TRIB3: variants seen among roughly 807,000 people sequenced by gnomAD.
TRIB3 encodes the protein tribbles homolog 3.
In TRIB3, 20 loss-of-function variants were observed where a neutral mutation model predicts 16.6. The observed-to-expected ratio is 1.20, with a 90% CI of 0.85 to 1.75. TRIB3 has a LOEUF of 1.75. Ranked by LOEUF, TRIB3 falls within the 40% of genes most tolerant of loss-of-function variation. The pLI is 0.00. For synonymous variants in TRIB3, 208 were observed against 217.0 expected, an observed-to-expected ratio of 0.96 and a Z score of 0.36; for missense variants, 484 against 488.9, an observed-to-expected ratio of 0.99 and a Z score of 0.10.
Position 388,209 on chromosome 20 carries a change from C to T in TRIB3, c.199C>T (p.Arg67Cys), listed in dbSNP as rs769974687. 33 of 1,613,828 alleles carry T rather than the reference C, an allele frequency of 2.0e-5. No individual in the cohort carries two copies. The highest frequency in any genetic ancestry group is 3.3e-4 in the Middle Eastern group (2 of 6,080). ...DRATAVATASRLGPYVLLEPE... is the reference protein window; with the variant it reads ...DRATAVATASCLGPYVLLEPE... ...TGCAACTGCTGTGGCCACTGCCTCC[C>T]GTCTTGGGCCCTATGTCCTCCTGGA... is the stretch of plus-strand genomic sequence containing the variant. The change falls in exon 2 of 4, where the codon CGT becomes TGT. Residue 67 changes from arginine (R) to cysteine (C), a missense_variant. Transcript: ENST00000217233.
intron 3 of TRIB3, among the ~76,000 whole-genome samples, chr20:392,485 G>A (rs934547207): frequency 2.6e-5 from 4 of 152,068 alleles, no homozygotes; most frequent in Non-Finnish European, 4.4e-5. Flanking sequence ...ACACGGGAAC[G>A]TTTTCTGTGA....
chr20:392,862 C>T (rs1012625245), intron 3 of TRIB3, among the ~76,000 whole-genome samples: 10 of 151,776 alleles, frequency 6.6e-5, no homozygotes, highest in South Asian at 2.1e-4. Context: ...CCAGCCTAGA[C>T]GCTAAGAAAA....
Position 396,390 on chromosome 20 carries a change from C to T in TRIB3, c.777C>T (p.Tyr259=), listed in dbSNP as rs1013153605. 1 of 1,613,326 alleles carries T rather than the reference C, an allele frequency of 6.2e-7. No homozygotes were observed. Among genetic ancestry groups the T allele is most frequent in the African/African-American group, 1.3e-5 (1 of 74,956 alleles). The change falls in exon 4 of 4, where the codon TAC becomes TAT. Residue 259 remains tyrosine (Y), a synonymous_variant. Coordinates refer to ENST00000217233, the MANE Select transcript of TRIB3 (RefSeq NM_021158.5). The stretch of plus-strand genomic sequence containing the variant: ...TCTTCACCATGCTGGCCGGCCACTA[C>T]CCCTTCCAGGACTCGGAGCCTGTCC... ...VALFTMLAGH[Y]PFQDSEPVLL...
rs745951994 is a variant in TRIB3, at chr20:388,131, C to G, written c.121C>G (p.Pro41Ala). Residue 41 changes from proline (P) to alanine (A), a missense_variant, in exon 2 of 4, where the codon CCC becomes GCC. Coordinates refer to ENST00000217233, the MANE Select transcript of TRIB3 (RefSeq NM_021158.5). ...VQKRARSGPQ[P>A]RLPPCLLPLS... is the part of the protein sequence containing the mutation. ...GAAACGAGCTCGAAGTGGGCCCCAG[C>G]CCAGACTGCCCCCCTGCCTGTTGCC... 6.2e-7 allele frequency: 1 copy of G among 1,614,090 alleles called. No individual in the cohort carries two copies. The highest frequency in any genetic ancestry group is 1.7e-5 in the Admixed American group (1 of 60,036).
In TRIB3 at chr20:391,271, C is replaced by A. The variant is rs1197888683; in HGVS notation, c.292-16C>A. On this transcript the variant is annotated splice_polypyrimidine_tract_variant and intron_variant, in intron 2 of 3. Transcript: ENST00000217233. The stretch of plus-strand genomic sequence containing the variant: ...CGGGAGTCCCCAGCTGTGCTAACAC[C>A]ATGCTCTGCCCACAGGTGTACCCCG... The A allele has an allele frequency of 1.9e-6, 3 of 1,608,330 alleles. No homozygotes were observed. The highest frequency in any genetic ancestry group is 2.5e-6 in the Non-Finnish European group (3 of 1,178,604).
intron 3 of TRIB3, among the ~76,000 whole-genome samples, chr20:394,378 T>A (rs1286998190): frequency 6.6e-6 from 1 of 152,218 alleles, no homozygotes; most frequent in Non-Finnish European, 1.5e-5. Context: ...CATGCCTTTT[T>A]TAAAGAAGTA....
At chr20:391,003 A>ATG (rs2014959006) in intron 2 of TRIB3, among the ~76,000 whole-genome samples, 1 of 128,356 alleles carries the variant, frequency 7.8e-6, no homozygotes, top group South Asian at 2.5e-4. Context: ...CTCCGTCTCA[A>ATG]AAAAAAAAAA....
intron 2 of TRIB3, among the ~76,000 whole-genome samples, chr20:390,840 A>G (rs1200198978): frequency 1.3e-5 from 2 of 151,956 alleles, no homozygotes; most frequent in African/African-American, 4.8e-5. Context: ...CATCTCTACT[A>G]AAAATACAAA....
chr20:382,457 G>A, intron 1 of TRIB3: 8 of 1,394,528 alleles, frequency 5.7e-6, no homozygotes, highest in Non-Finnish European at 6.8e-6. Context: ...GCACAGCCAG[G>A]TATCATCCTG....
At chr20:395,198 C>G (rs552689040) in intron 3 of TRIB3, among the ~76,000 whole-genome samples, 26 of 150,500 alleles carry the variant, frequency 1.7e-4, no homozygotes, top group Non-Finnish European at 3.4e-4. Context: ...CTCACTCTGT[C>G]ACCCAGGCCG....
At chr20:381,200 C>T (rs1033988073) in intron 1 of TRIB3, 31 bp downstream of exon 1, 15 of 152,042 alleles carry the variant, frequency 9.9e-5, no homozygotes, top group African/African-American at 3.4e-4. Flanking sequence ...TGCGGACTCG[C>T]CCGGAGGCCG....
At position 396,720 on chromosome 20, in the gene TRIB3, C is replaced by A. The variant is rs1426151485; in HGVS notation, c.*30C>A. On this transcript the variant is annotated 3_prime_UTR_variant, in exon 4 of 4. Transcript: ENST00000217233. ...ACCCTACTACACGCTCAGCTGCCAA[C>A]AGTGGATTGAGTTTGGGGGTAGCTC... The A allele has an allele frequency of 6.4e-7, 1 of 1,571,518 alleles. No homozygotes were observed. The highest frequency in any genetic ancestry group is 1.7e-5 in the Admixed American group (1 of 57,584).
At chr20:394,068 T>C (rs937931039) in intron 3 of TRIB3, among the ~76,000 whole-genome samples, 1 of 150,318 alleles carries the variant, frequency 6.7e-6, no homozygotes, top group African/African-American at 2.5e-5. Context: ...TCTCGCTCTG[T>C]TGCCCAGGTT....
rs893598028 is a variant in TRIB3, at chr20:386,998, A to T, written c.1-1013A>T. Among the ~76,000 whole-genome samples, 3 of 148,610 alleles carry T rather than the reference A, an allele frequency of 2.0e-5. No individual in the cohort carries two copies. The East Asian group carries it at 6.2e-4, about 31-fold the overall frequency. ...GAACTCCCAGCCTCATGATTCGCCC[A>T]CCTTGGCCTCCCAAAGTGCTGGGAT... On this transcript the variant is annotated intron_variant, in intron 1 of 3. Transcript: ENST00000217233.
rs2014974201 is a variant in TRIB3, at chr20:391,392, C to T, written c.397C>T (p.Leu133Phe). The change falls in exon 3 of 4, where the codon CTC (leucine) becomes TTC (phenylalanine). Residue 133 changes from leucine (L) to phenylalanine (F), a missense_variant. Leu to Phe is a conservative substitution (Grantham distance 22). Transcript: ENST00000217233. ...PTEVLAGTQLLYAFFTRTHGD... is the reference protein window; with the variant it reads ...PTEVLAGTQLFYAFFTRTHGD... ...TGAGGTCCTGGCTGGTACCCAGCTC[C>T]TCTACGCCTTTTTCACTCGGACCCA... 1 of 1,613,824 alleles carries T rather than the reference C, an allele frequency of 6.2e-7. No homozygotes were observed. Among genetic ancestry groups the T allele is most frequent in the Non-Finnish European group, 8.5e-7 (1 of 1,180,022 alleles).
Position 396,805 on chromosome 20 carries a change from G to A in TRIB3, c.*115G>A. On this transcript the variant is annotated 3_prime_UTR_variant, in exon 4 of 4. Coordinates refer to ENST00000217233, the MANE Select transcript of TRIB3 (RefSeq NM_021158.5). ...TTCAGTGCCTTCCAGAAGGGAGAAA[G>A]GCAGAAGCCTGTGTGGAGTGTGCTG... The A allele has an allele frequency of 2.1e-6, 3 of 1,450,150 alleles. No individual in the cohort carries two copies. Among genetic ancestry groups the A allele is most frequent in the Non-Finnish European group, 2.8e-6 (3 of 1,087,076 alleles). 89.8% of individuals were successfully genotyped at this position (1,450,150 alleles called of 1,614,324 possible).
chr20:391,001 C>CGAAAAAAAA (rs747388615), intron 2 of TRIB3, among the ~76,000 whole-genome samples: 2 of 85,786 alleles, frequency 2.3e-5, no homozygotes, highest in African/African-American at 4.4e-5. Context: ...GACTCCGTCT[C>CGAAAAAAAA]AAAAAAAAAA....
At chr20:391,710 C>T in intron 3 of TRIB3, 131 bp downstream of exon 3, 1 of 1,239,876 alleles carries the variant, frequency 8.1e-7, no homozygotes, top group Non-Finnish European at 1.1e-6. Context: ...CCAGCAGCCC[C>T]TGTTTAGTTC....
At chr20:394,807 A>C (rs1413200122) in intron 3 of TRIB3, among the ~76,000 whole-genome samples, 1 of 151,868 alleles carries the variant, frequency 6.6e-6, no homozygotes, top group Admixed American at 6.6e-5. Context: ...AAGAAAAAAA[A>C]AAAGAAAAAT....
Sources: gnomAD v4.1 joint callset for allele counts (sites outside exome capture counted in the v4.1 genomes callset) on GRCh38, gnomAD v4.1.1 for gene constraint, MANE v1.5 for transcripts, NCBI Gene and HGNC (gene_info 2026-07-23, HGNC 2026-07-21) for gene names.